The following SCN1A variants were observed in gnomAD, a reference collection of about 807,000 sequenced individuals.
SCN1A encodes sodium voltage-gated channel alpha subunit 1.
Under a neutral mutation model 193.7 loss-of-function variants are expected in SCN1A, and 13 were observed. The observed-to-expected ratio is 0.07, with a 90% CI of 0.04 to 0.11. The LOEUF (loss-of-function observed/expected upper bound fraction) is 0.11. SCN1A is among the 10% of genes least tolerant of loss of function. SCN1A has a pLI of 1.00. For synonymous variants in SCN1A, 781 were observed against 843.6 expected (o/e 0.93, Z 1.29); for missense variants, 1,432 against 2,451.1 (o/e 0.58, Z 8.78).
intron 19 of SCN1A, among the ~76,000 whole-genome samples, chr2:166,035,108 A>G (rs953222003): frequency 2.6e-5 from 4 of 152,198 alleles, no homozygotes; most frequent in African/African-American, 9.7e-5. Context: ...GTTCTCTTCA[A>G]TGTACATGAG....
At chr2:166,145,072 A>T (rs1388832786) in intron 1 of SCN1A, among the ~76,000 whole-genome samples, 1 of 151,552 alleles carries the variant, frequency 6.6e-6, no homozygotes, top group East Asian at 1.9e-4. Context: ...TCCTGACCTC[A>T]TGATCTGCCA....
In SCN1A at chr2:166,007,430, G is replaced by A. The variant is rs1395374895; in HGVS notation, c.4002+2289C>T. The A allele has an allele frequency of 6.6e-6, 1 of 151,128 alleles. No homozygotes were observed. Among genetic ancestry groups the A allele is most frequent in the Non-Finnish European group, 1.5e-5 (1 of 67,458 alleles). 9.4% of individuals were successfully genotyped at this position (151,128 alleles called of 1,614,324 possible). Reference sequence around the variant, plus strand: ...GACTTGAGTTCTTTTGAAAAAGAAGGTATTTAAGATTTCCTAGGTTAGGAA... The same window carrying A: ...GACTTGAGTTCTTTTGAAAAAGAAGATATTTAAGATTTCCTAGGTTAGGAA... On this transcript the variant is annotated intron_variant, in intron 23 of 28. Coordinates refer to ENST00000674923, the MANE Select transcript of SCN1A (RefSeq NM_001165963.4).
intron 2 of SCN1A, among the ~76,000 whole-genome samples, chr2:166,117,851 T>C (rs1229520387): frequency 1.3e-5 from 2 of 151,854 alleles, no homozygotes; most frequent in African/African-American, 4.8e-5. Flanking sequence ...TAATCCCAGC[T>C]ACTCAGGAGG....
intron 2 of SCN1A, among the ~76,000 whole-genome samples, chr2:166,094,047 T>TCA (rs36025454): frequency 7.3e-4 from 110 of 151,286 alleles, no homozygotes; most frequent in Middle Eastern, 3.4e-3. Context: ...GTCAAATCTT[T>TCA]CACACACACA....
upstream of SCN1A, among the ~76,000 whole-genome samples, chr2:166,132,199 T>A (rs1451858478): frequency 6.6e-6 from 1 of 152,096 alleles, no homozygotes; most frequent in Non-Finnish European, 1.5e-5. Flanking sequence ...AATGCTAGAG[T>A]TTGGATTTAA....
At chr2:166,086,689 A>G (rs1686157383) in intron 2 of SCN1A, among the ~76,000 whole-genome samples, 1 of 152,112 alleles carries the variant, frequency 6.6e-6, no homozygotes, top group South Asian at 2.1e-4. Flanking sequence ...CTCCTTTCCA[A>G]ATTTATGAAC....
At chr2:165,995,924 T>A in intron 27 of SCN1A, 89 bp downstream of exon 27, 1 of 884,046 alleles carries the variant, frequency 1.1e-6, no homozygotes, top group Non-Finnish European at 1.9e-6. Flanking sequence ...TTTTTTCTAC[T>A]GGAAATGTTA....
At chr2:166,082,171 A>T (rs1685595419) in intron 2 of SCN1A, among the ~76,000 whole-genome samples, 1 of 152,030 alleles carries the variant, frequency 6.6e-6, no homozygotes, top group Admixed American at 6.6e-5. Flanking sequence ...AAAAACAGAG[A>T]TTAGTCTATT....
In SCN1A at chr2:166,042,566, C is replaced by G; in HGVS notation, c.2044-142G>C. 2.5e-6 allele frequency: 2 copies of G among 790,736 alleles called. 1 individual carries two copies. Among genetic ancestry groups the G allele is most frequent in the Non-Finnish European group, 4.2e-6 (2 of 472,230 alleles). The allele number at this position is 790,736 out of a possible 1,614,324, so 49.0% of individuals were successfully genotyped here. ...AATTGGTGATGGCAGATATTTCTGACTTATTGTATCATTAGCCTGGAATGT... is the reference window on the plus strand; with the variant it reads ...AATTGGTGATGGCAGATATTTCTGAGTTATTGTATCATTAGCCTGGAATGT... On this transcript the variant is annotated intron_variant, in intron 14 of 28. Transcript: ENST00000674923.
At chr2:166,097,177 A>T (rs1228392431) in intron 2 of SCN1A, among the ~76,000 whole-genome samples, 1 of 152,036 alleles carries the variant, frequency 6.6e-6, no homozygotes, top group African/African-American at 2.4e-5. Flanking sequence ...GCATGCCACC[A>T]CACCTGGCTA....
Position 166,142,189 on chromosome 2 carries a change from C to G in SCN1A, c.-50+6858G>C, listed in dbSNP as rs530851505. 2.0e-5 allele frequency among the ~76,000 whole-genome samples: 3 copies of G among 152,200 alleles called. No homozygotes were observed. The East Asian group carries it at 5.8e-4, about 29-fold the overall frequency. On this transcript the variant is annotated intron_variant, in intron 1 of 26. Coordinates refer to the SCN1A transcript ENST00000635750. ...AGATCAGAAGGGCCTGGCACACCTG[C>G]TAAAGAGGGAAAACTGGAACCGCAT...
intron 1 of SCN1A, chr2:166,148,957 A>G (rs1212649276): frequency 6.6e-6 from 1 of 152,252 alleles, no homozygotes; most frequent in East Asian, 1.9e-4. Flanking sequence ...CTGTAATCTC[A>G]GTAATTTCTC....
At chr2:166,135,336 G>T (rs1691815867) in intron 1 of SCN1A, among the ~76,000 whole-genome samples, 2 of 152,052 alleles carry the variant, frequency 1.3e-5, no homozygotes, top group Admixed American at 6.6e-5. Context: ...TTTATTTACA[G>T]AATAAAACTG....
intron 1 of SCN1A, among the ~76,000 whole-genome samples, chr2:166,148,801 T>C (rs1021369973): frequency 1.3e-5 from 2 of 152,246 alleles, no homozygotes; most frequent in Non-Finnish European, 2.9e-5. Flanking sequence ...ATTCAGAGTT[T>C]AAATATCAAA....
chr2:166,012,410 T>C (rs1322207589), intron 21 of SCN1A, 128 bp from the exon 22 acceptor site: 1 of 731,056 alleles, frequency 1.4e-6, no homozygotes, highest in African/African-American at 1.8e-5. Context: ...TAGTTACTGT[T>C]ACTTTTTTTT....
intron 19 of SCN1A, among the ~76,000 whole-genome samples, chr2:166,020,866 G>A (rs1240998066): frequency 6.6e-6 from 1 of 152,052 alleles, no homozygotes; most frequent in East Asian, 1.9e-4. Flanking sequence ...AATTACAAGT[G>A]CAGCTCATGC....
intron 2 of SCN1A, among the ~76,000 whole-genome samples, chr2:166,094,239 T>A (rs1687138187): frequency 6.6e-6 from 1 of 152,188 alleles, no homozygotes; most frequent in African/African-American, 2.4e-5. Flanking sequence ...AACGACTAAT[T>A]TTGAGAATTG....
chr2:166,074,344 G>C (rs73969787), intron 3 of SCN1A, among the ~76,000 whole-genome samples: 11,681 of 152,186 alleles, frequency 0.077, 1,219 homozygotes, highest in African/African-American at 0.24. Flanking sequence ...AAACTAGGCT[G>C]TAAAGAAATT....
chr2:166,015,928 A>G lies in SCN1A; in HGVS notation c.3430-201T>C, dbSNP rs1421411058. 7 of 584,190 alleles carry G rather than the reference A, an allele frequency of 1.2e-5. No homozygotes were observed. In the East Asian group the frequency reaches 2.3e-4, roughly 19 times the overall value. 36.2% of individuals were successfully genotyped at this position (584,190 alleles called of 1,614,324 possible). On this transcript the variant is annotated intron_variant, in intron 19 of 28. Transcript: ENST00000674923. ...CCCTTTTACCATAATTCACAATGTA[A>G]GCTTGAAATCAGATTGCTATGTTAT...
Sources: allele counts gnomAD v4.1 joint callset (sites outside exome capture counted in the v4.1 genomes callset), GRCh38; gene constraint gnomAD v4.1.1; transcripts MANE v1.5; gene names NCBI Gene and HGNC (gene_info 2026-07-23, HGNC 2026-07-21).